Variants in NRG1 observed in about 807,000 individuals in gnomAD.
NRG1 encodes the protein pro-neuregulin-1, membrane-bound isoform.
A neutral mutation model predicts 63.8 loss-of-function variants in NRG1; 18 were observed. That is an observed-to-expected ratio of 0.28 (90% CI 0.19 to 0.42). The LOEUF is 0.42. Among genes scored for constraint, NRG1 ranks in the 10% least tolerant of loss-of-function variants. NRG1 has a pLI of 1.00. For synonymous variants in NRG1, 302 were observed against 301.3 expected (o/e 1.00, Z -0.02); for missense variants, 762 against 814.7 (o/e 0.94, Z 0.79).
chr8:32,276,542 G>T (rs539178824), intron 1 of NRG1, among the ~76,000 whole-genome samples: 115 of 152,146 alleles, frequency 7.6e-4, no homozygotes, highest in African/African-American at 2.7e-3. Context: ...ATCTCATTCT[G>T]TCCCCCAGGC....
intron 1 of NRG1, among the ~76,000 whole-genome samples, chr8:31,740,546 A>C (rs755297185): frequency 3.2e-4 from 49 of 152,156 alleles, no homozygotes; most frequent in South Asian, 6.2e-4. Flanking sequence ...ATACTTAACC[A>C]AAATGTCCAT....
intron 1 of NRG1, among the ~76,000 whole-genome samples, chr8:31,733,374 T>G (rs1368822543): frequency 6.6e-6 from 1 of 152,130 alleles, no homozygotes; most frequent in Non-Finnish European, 1.5e-5. Context: ...TTCTTTAAAC[T>G]CTCTAAGAAT....
At chr8:32,470,484 G>A (rs187632452) in intron 1 of NRG1, among the ~76,000 whole-genome samples, 2 of 152,196 alleles carry the variant, frequency 1.3e-5, no homozygotes, top group Admixed American at 6.5e-5. Flanking sequence ...GATTACAGGC[G>A]TGAGCCACCG....
intron 1 of NRG1, among the ~76,000 whole-genome samples, chr8:31,887,038 G>A (rs1318182229): frequency 6.6e-6 from 1 of 151,994 alleles, no homozygotes; most frequent in Non-Finnish European, 1.5e-5. Context: ...CATACCATAG[G>A]TTTTCTTGGG....
At chr8:32,428,690 C>T (rs774858540) in intron 1 of NRG1, among the ~76,000 whole-genome samples, 3 of 152,194 alleles carry the variant, frequency 2.0e-5, no homozygotes, top group Admixed American at 2.0e-4. Context: ...AGTCCTAGAA[C>T]CTGTGCTTAT....
chr8:32,054,257 C>T (rs987579240), intron 1 of NRG1, among the ~76,000 whole-genome samples: 31 of 152,106 alleles, frequency 2.0e-4, no homozygotes, highest in African/African-American at 7.5e-4. Flanking sequence ...AAGATAATAC[C>T]ATGTTGTGCA....
intron 1 of NRG1, among the ~76,000 whole-genome samples, chr8:32,041,748 A>C (rs737026): frequency 0.55 from 83,958 of 152,170 alleles, 26,971 homozygotes; most frequent in Non-Finnish European, 0.72. Flanking sequence ...AGAAGAAGGA[A>C]TAGACCTACC....
chr8:31,921,014 A>T lies in NRG1; in HGVS notation c.37+281583A>T, dbSNP rs555793949. ...ATGCTTTTATACATAGTAAAAGCAG[A>T]TGACATGCTGGTCCTACTAAATTTA... On this transcript the variant is annotated intron_variant, in intron 1 of 10. Coordinates refer to the NRG1 transcript ENST00000519301. Among the ~76,000 whole-genome samples, 530 of 152,300 alleles carry T rather than the reference A, an allele frequency of 3.5e-3. 4 individuals carry two copies. The highest frequency in any genetic ancestry group is 5.9e-3 in the Non-Finnish European group (398 of 68,030).
intron 1 of NRG1, among the ~76,000 whole-genome samples, chr8:32,006,506 G>T (rs909319108): frequency 6.6e-6 from 1 of 152,028 alleles, no homozygotes; most frequent in Non-Finnish European, 1.5e-5. Flanking sequence ...TCTAATCACA[G>T]AAGCTGTTCA....
intron 1 of NRG1, among the ~76,000 whole-genome samples, chr8:32,262,116 G>A (rs374374168): frequency 1.4e-4 from 22 of 152,220 alleles, no homozygotes; most frequent in African/African-American, 4.3e-4. Flanking sequence ...TGTTGTGAGC[G>A]TAAACCACAT....
chr8:31,868,937 A>G (rs1277552359), intron 1 of NRG1, among the ~76,000 whole-genome samples: 1 of 152,180 alleles, frequency 6.6e-6, no homozygotes, highest in Admixed American at 6.5e-5. Flanking sequence ...TAAAATCAGG[A>G]TCAGTTCACA....
At chr8:31,830,721 C>T (rs948288582) in intron 1 of NRG1, among the ~76,000 whole-genome samples, 2 of 151,974 alleles carry the variant, frequency 1.3e-5, no homozygotes, top group African/African-American at 4.8e-5. Context: ...AGGGATTATA[C>T]CTGTTGGTAT....
chr8:31,757,022 T>G (rs964717355), intron 1 of NRG1, among the ~76,000 whole-genome samples: 1 of 152,314 alleles, frequency 6.6e-6, no homozygotes, highest in South Asian at 2.1e-4. Flanking sequence ...ACCATTCTCT[T>G]GCAATTGCAA....
At chr8:32,275,619 G>A (rs1438718672) in intron 1 of NRG1, among the ~76,000 whole-genome samples, 3 of 152,158 alleles carry the variant, frequency 2.0e-5, no homozygotes, top group Admixed American at 6.5e-5. Context: ...ATTAACTACA[G>A]GAGGGTGAGC....
chr8:32,492,034 A>T (rs1256441666), intron 1 of NRG1, among the ~76,000 whole-genome samples: 1 of 152,198 alleles, frequency 6.6e-6, no homozygotes, highest in East Asian at 1.9e-4. Context: ...ACACAAAGCT[A>T]CATTTTCAAT....
chr8:32,103,801 C>T (rs1830885106), intron 1 of NRG1, among the ~76,000 whole-genome samples: 1 of 152,088 alleles, frequency 6.6e-6, no homozygotes, highest in South Asian at 2.1e-4. Flanking sequence ...GAGGCTGCTG[C>T]AGAGCTGTAG....
chr8:31,963,363 T>C (rs1239163100), intron 1 of NRG1, among the ~76,000 whole-genome samples: 1 of 152,226 alleles, frequency 6.6e-6, no homozygotes, highest in Non-Finnish European at 1.5e-5. Context: ...ACCTTGAATA[T>C]TGGAATTTTT....
intron 1 of NRG1, among the ~76,000 whole-genome samples, chr8:31,928,887 G>A (rs1211095190): frequency 6.6e-6 from 1 of 152,148 alleles, no homozygotes; most frequent in Non-Finnish European, 1.5e-5. Context: ...CTGGGAGTGA[G>A]GGTGAGAGAG....
At chr8:31,698,051 C>A (rs1337726849) in intron 1 of NRG1, among the ~76,000 whole-genome samples, 1 of 152,098 alleles carries the variant, frequency 6.6e-6, no homozygotes, top group Non-Finnish European at 1.5e-5. Context: ...GTCCTTCCAG[C>A]ACAGAAAGGT....
Sources: allele counts gnomAD v4.1 joint callset (sites outside exome capture counted in the v4.1 genomes callset), GRCh38; gene constraint gnomAD v4.1.1; transcripts MANE v1.5; gene names NCBI Gene and HGNC (gene_info 2026-07-23, HGNC 2026-07-21).